The following PRIM2 variants were observed in gnomAD, a reference collection of about 807,000 sequenced individuals.
PRIM2 encodes DNA primase subunit 2.
A neutral mutation model predicts 67.3 loss-of-function variants in PRIM2; 39 were observed. That is an observed-to-expected ratio of 0.58 (90% CI 0.45 to 0.76). PRIM2 has a LOEUF of 0.76. PRIM2 is among the 30% of genes least tolerant of loss of function. PRIM2 has a pLI of 0.00. For synonymous variants in PRIM2, 143 were observed against 198.7 expected, an observed-to-expected ratio of 0.72 and a Z score of 2.36; for missense variants, 398 against 598.7, an observed-to-expected ratio of 0.66 and a Z score of 3.50.
the PRIM2 span, among the ~76,000 whole-genome samples, chr6:57,272,572 CTT>C: frequency 2.0e-5 from 3 of 152,246 alleles, no homozygotes; most frequent in African/African-American, 7.2e-5. Context: ...GTTCTTGACT[CTT>C]TATCCAATTT....
At chr6:57,533,280 G>A (rs1162217418) in intron 9 of PRIM2, among the ~76,000 whole-genome samples, 2 of 151,948 alleles carry the variant, frequency 1.3e-5, no homozygotes, top group African/African-American at 4.8e-5. Context: ...AACAGCATTT[G>A]CACTCCATAC....
At chr6:57,611,273 T>C (rs1208751299) in intron 12 of PRIM2, among the ~76,000 whole-genome samples, 4 of 152,166 alleles carry the variant, frequency 2.6e-5, no homozygotes, top group African/African-American at 9.7e-5. Flanking sequence ...TAATACCATA[T>C]ACAGCAGTAC....
chr6:57,459,823 G>A (rs1772937318), intron 7 of PRIM2, among the ~76,000 whole-genome samples: 2 of 152,150 alleles, frequency 1.3e-5, no homozygotes, highest in African/African-American at 2.4e-5. Context: ...ATTGTCAATT[G>A]TTAATCATCT....
intron 7 of PRIM2, among the ~76,000 whole-genome samples, chr6:57,402,699 CAAAG>C (rs377073890): frequency 1.2e-4 from 18 of 152,234 alleles, no homozygotes; most frequent in African/African-American, 4.3e-4. Flanking sequence ...ATCAAATTGT[CAAAG>C]TAAGTATTAC....
At chr6:57,234,366 T>C in the PRIM2 span, among the ~76,000 whole-genome samples, 1 of 152,254 alleles carries the variant, frequency 6.6e-6, no homozygotes, top group Admixed American at 6.5e-5. Context: ...GTATTGTCAT[T>C]GCACTAGCAT....
chr6:57,599,613 G>A (rs1425910971), intron 10 of PRIM2, among the ~76,000 whole-genome samples: 3 of 151,816 alleles, frequency 2.0e-5, no homozygotes, highest in Middle Eastern at 3.2e-3. Flanking sequence ...TATTAATCAC[G>A]CATTCACATA....
chr6:57,553,686 C>T (rs1379378079), intron 10 of PRIM2, among the ~76,000 whole-genome samples: 88,504 of 151,160 alleles, frequency 0.59, 27,697 homozygotes, highest in African/African-American at 0.82. Context: ...ATTACTTGCT[C>T]TGAGGTTTGG....
In PRIM2 at chr6:57,330,348, G is replaced by GTTTTT. The variant is rs1238317111; in HGVS notation, c.459+4311_459+4315dup. 1.4e-3 allele frequency among the ~76,000 whole-genome samples: 121 copies of GTTTTT among 87,494 alleles called. 1 individual carries two copies. The highest frequency in any genetic ancestry group is 2.1e-3 in the African/African-American group (43 of 20,064). 57.4% of individuals were successfully genotyped at this position (87,494 alleles called of 152,430 possible). ...TGTATCCTGCAACCTTGCTGAACTT[G>GTTTTT]TTTTTTTTTTTTGTTTTTGTTTTTT... On this transcript the variant is annotated intron_variant, in intron 5 of 13. Transcript: ENST00000615550.
At chr6:57,433,901 G>A (rs1211395140) in intron 7 of PRIM2, among the ~76,000 whole-genome samples, 1 of 150,640 alleles carries the variant, frequency 6.6e-6, no homozygotes, top group Non-Finnish European at 1.5e-5. Context: ...AGTTATGTGG[G>A]ACAAGCAACT....
chr6:57,260,663 G>C, the PRIM2 span, among the ~76,000 whole-genome samples: 3 of 152,120 alleles, frequency 2.0e-5, no homozygotes, highest in African/African-American at 7.2e-5. Context: ...AGGGACTCTG[G>C]GCAAAGCCAT....
chr6:57,278,377 A>G, the PRIM2 span, among the ~76,000 whole-genome samples: 7,416 of 152,202 alleles, frequency 0.049, 226 homozygotes, highest in Non-Finnish European at 0.072. Context: ...CTTATGCTCT[A>G]GGGCACTAGG....
intron 3 of PRIM2, 152 bp from the exon 4 acceptor site, chr6:57,324,049 T>G (rs1767754123): frequency 1.3e-5 from 2 of 152,696 alleles, no homozygotes; most frequent in Non-Finnish European, 2.9e-5. Context: ...TGACCACTAC[T>G]CTCCAGTCTG....
chr6:57,635,016 G>T (rs1777095576), intron 13 of PRIM2, among the ~76,000 whole-genome samples: 1 of 151,806 alleles, frequency 6.6e-6, no homozygotes, highest in Non-Finnish European at 1.5e-5. Flanking sequence ...TTACTGTCAG[G>T]TTTCTGCCAT....
intron 7 of PRIM2, among the ~76,000 whole-genome samples, chr6:57,456,528 G>C (rs150249325): frequency 2.6e-5 from 4 of 152,006 alleles, no homozygotes; most frequent in East Asian, 1.9e-4. Flanking sequence ...TGCTTCATTT[G>C]ATTCATTTGA....
intron 1 of PRIM2, 68 bp from the exon 2 acceptor site, chr6:57,318,369 G>T: frequency 1.4e-6 from 2 of 1,432,158 alleles, no homozygotes; most frequent in Non-Finnish European, 9.4e-7. Flanking sequence ...ATTTTTTCGT[G>T]TTTTTTCTTT....
chr6:57,437,905 C>CCTTA (rs1346717020), intron 7 of PRIM2, among the ~76,000 whole-genome samples: 7 of 152,034 alleles, frequency 4.6e-5, no homozygotes, highest in Non-Finnish European at 1.0e-4. Context: ...GATCTGCCTG[C>CCTTA]CTTAGCTTCC....
intron 7 of PRIM2, among the ~76,000 whole-genome samples, chr6:57,496,818 TA>T (rs1298923967): frequency 1.3e-5 from 2 of 152,176 alleles, no homozygotes; most frequent in Non-Finnish European, 2.9e-5. Flanking sequence ...AGTCTTTGCA[TA>T]AAATGATTTT....
chr6:57,291,681 G>T, the PRIM2 span, among the ~76,000 whole-genome samples: 8 of 152,128 alleles, frequency 5.3e-5, no homozygotes, highest in African/African-American at 1.9e-4. Context: ...GGGATGCAAG[G>T]CTGGTTCAAC....
intron 7 of PRIM2, among the ~76,000 whole-genome samples, chr6:57,413,765 A>G (rs1227162094): frequency 6.6e-6 from 1 of 152,154 alleles, no homozygotes; most frequent in Non-Finnish European, 1.5e-5. Context: ...CAAAGTGTCA[A>G]ATATTCCAAT....
Sources: allele counts gnomAD v4.1 joint callset (sites outside exome capture counted in the v4.1 genomes callset), GRCh38; gene constraint gnomAD v4.1.1; transcripts MANE v1.5; gene names NCBI Gene and HGNC (gene_info 2026-07-23, HGNC 2026-07-21).